THEMIS: variants seen among roughly 807,000 people sequenced by gnomAD.
The protein encoded by THEMIS is thymocyte selection associated, also known as protein THEMIS.
THEMIS carries 37 observed loss-of-function variants against 52.6 expected under a neutral mutation model. The ratio of observed to expected loss-of-function variants is 0.70; its 90% confidence interval spans 0.54 to 0.93. The LOEUF (loss-of-function observed/expected upper bound fraction) is 0.93, where lower values mean the gene tolerates loss of function less well. THEMIS is among the 40% of genes least tolerant of loss of function. The probability of loss-of-function intolerance (pLI) is 0.00; values close to 1 mark genes in which losing one functional copy is unlikely to be tolerated. For synonymous variants in THEMIS, 292 were observed against 272.7 expected, an observed-to-expected ratio of 1.07 and a Z score of -0.70; for missense variants, 808 against 763.1, an observed-to-expected ratio of 1.06 and a Z score of -0.69.
chr6:127,728,191 C>T (rs1028446091), intron 4 of THEMIS, among the ~76,000 whole-genome samples: 2 of 152,142 alleles, frequency 1.3e-5, no homozygotes, highest in Non-Finnish European at 2.9e-5. Flanking sequence ...CATTGTTCGT[C>T]AGAATTTCTC....
chr6:127,854,905 G>T, intron 2 of THEMIS, 125 bp downstream of exon 2: 1 of 767,850 alleles, frequency 1.3e-6, no homozygotes, highest in Non-Finnish European at 1.9e-6. Context: ...TAACAATTCC[G>T]GATTTTCCCC....
At chr6:127,832,631 A>G (rs1778733379) in intron 2 of THEMIS, among the ~76,000 whole-genome samples, 1 of 152,128 alleles carries the variant, frequency 6.6e-6, no homozygotes, top group African/African-American at 2.4e-5. Flanking sequence ...TACTGGGAAA[A>G]ATATGCTTTG....
At chr6:127,811,998 A>G (rs1053501845) in intron 4 of THEMIS, among the ~76,000 whole-genome samples, 1 of 152,192 alleles carries the variant, frequency 6.6e-6, no homozygotes. Context: ...TAAGGCTGCT[A>G]TTATTTCTAA....
intron 4 of THEMIS, among the ~76,000 whole-genome samples, chr6:127,732,328 T>C (rs1400379145): frequency 1.3e-5 from 2 of 152,110 alleles, no homozygotes; most frequent in Admixed American, 1.3e-4. Flanking sequence ...TTCCTCCTAA[T>C]ACCAGAAGTG....
chr6:127,799,571 CTTTCTTTCTTTCTTTT>C (rs1205480448), intron 4 of THEMIS, among the ~76,000 whole-genome samples: 16 of 150,176 alleles, frequency 1.1e-4, no homozygotes, highest in Admixed American at 1.3e-4. Flanking sequence ...TTCTTTCTTT[CTTTCTTTCTTTCTTTT>C]TTTCTTTCTT....
intron 4 of THEMIS, among the ~76,000 whole-genome samples, chr6:127,786,078 G>A (rs1041077867): frequency 1.3e-5 from 2 of 151,908 alleles, no homozygotes; most frequent in South Asian, 4.1e-4. Flanking sequence ...ATAGCTCTAG[G>A]TATTCAATAA....
intron 4 of THEMIS, among the ~76,000 whole-genome samples, chr6:127,746,494 T>C (rs1775393831): frequency 6.6e-6 from 1 of 150,498 alleles, no homozygotes; most frequent in Non-Finnish European, 1.5e-5. Flanking sequence ...TTCAACTGAG[T>C]TAAGATTATT....
Position 127,829,780 on chromosome 6 carries a change from T to A in THEMIS, c.405A>T (p.Gln135His), listed in dbSNP as rs1274480803. 4.3e-6 allele frequency: 7 copies of A among 1,614,026 alleles called. No individual in the cohort carries two copies. Among genetic ancestry groups the A allele is most frequent in the Non-Finnish European group, 5.9e-6 (7 of 1,180,018 alleles). The part of the protein sequence containing the change: ...LENLIIKQGE[Q>H]IMLNSVEEID... ...TCTCTTCAACTGAGTTGAGCATGAT[T>A]TGCTCACCCTGCTTTATGATGAGGT... is the stretch of plus-strand genomic sequence containing the variant. The change falls in exon 3 of 6, where the codon CAA (glutamine) becomes CAT (histidine). Residue 135 changes from glutamine to histidine, a missense_variant. By Grantham distance (24) the Gln-to-His change is conservative (BLOSUM62 0). Coordinates refer to ENST00000368248, the MANE Select transcript of THEMIS (RefSeq NM_001010923.3).
intron 4 of THEMIS, among the ~76,000 whole-genome samples, chr6:127,736,863 A>AAG (rs1321566107): frequency 5.3e-5 from 8 of 151,774 alleles, no homozygotes; most frequent in Admixed American, 2.0e-4. Flanking sequence ...AAAAAAAAAA[A>AAG]AAAAGAAAAA....
intron 4 of THEMIS, among the ~76,000 whole-genome samples, chr6:127,741,119 C>T (rs572201807): frequency 5.3e-5 from 8 of 152,274 alleles, no homozygotes; most frequent in Admixed American, 3.9e-4. Context: ...TCCAACTTTA[C>T]TATTTCTCAG....
At position 127,722,474 on chromosome 6, in the gene THEMIS, TA is replaced by T. The variant is rs1450909082; in HGVS notation, c.1759-2652del. On this transcript the variant is annotated intron_variant, in intron 4 of 5. Coordinates refer to ENST00000368248, the MANE Select transcript of THEMIS (RefSeq NM_001010923.3). ...TCTCTCTCTTCCCTCTCCCCTTTCC[TA>T]TTTCTCAAATTCTTCCACCATGCCT... Among the ~76,000 whole-genome samples, 3 of 152,126 alleles carry T rather than the reference TA, an allele frequency of 2.0e-5. No individual in the cohort carries two copies. In the East Asian group the frequency reaches 5.8e-4, roughly 30 times the overall value.
intron 1 of THEMIS, among the ~76,000 whole-genome samples, chr6:127,896,741 CA>C (rs949497791): frequency 6.6e-6 from 1 of 151,506 alleles, no homozygotes; most frequent in Non-Finnish European, 1.5e-5. Context: ...GGAAGATTTT[CA>C]AAAACTGATG....
chr6:127,915,638 C>T (rs1004206666), intron 1 of THEMIS, among the ~76,000 whole-genome samples: 2 of 150,524 alleles, frequency 1.3e-5, no homozygotes, highest in African/African-American at 4.9e-5. Flanking sequence ...TACACATAAA[C>T]CTTTAATACC....
At chr6:127,763,071 A>G (rs1243980966) in intron 4 of THEMIS, among the ~76,000 whole-genome samples, 1 of 151,980 alleles carries the variant, frequency 6.6e-6, no homozygotes, top group African/African-American at 2.4e-5. Context: ...TCCCTTTGAA[A>G]AATTAATCCC....
At chr6:127,881,379 A>C (rs1290368866) in intron 1 of THEMIS, among the ~76,000 whole-genome samples, 1 of 152,108 alleles carries the variant, frequency 6.6e-6, no homozygotes, top group East Asian at 1.9e-4. Context: ...AATTTTACTT[A>C]ATCTCTTGCT....
In THEMIS at chr6:127,746,711, C is replaced by T. The variant is rs544695342; in HGVS notation, c.1759-26888G>A. Among the ~76,000 whole-genome samples the T allele has an allele frequency of 5.7e-5, 6 of 104,728 alleles. No individual in the cohort carries two copies. In the East Asian group the frequency reaches 1.6e-3, roughly 27 times the overall value. 68.7% of individuals were successfully genotyped at this position (104,728 alleles called of 152,430 possible). A position where few individuals can be genotyped will look rare whatever the true frequency, so the allele number is the denominator to read the frequency against. ...ATATTTTATTTTATATTGTAGAGAT[C>T]TATAATTATATATTATTATATAATT... On this transcript the variant is annotated intron_variant, in intron 4 of 5. Coordinates refer to ENST00000368248, the MANE Select transcript of THEMIS (RefSeq NM_001010923.3).
At chr6:127,860,180 TG>T (rs1025005393) in intron 1 of THEMIS, among the ~76,000 whole-genome samples, 2 of 152,188 alleles carry the variant, frequency 1.3e-5, no homozygotes, top group African/African-American at 4.8e-5. Context: ...CTGCATTTCC[TG>T]TAAGGCAGAG....
chr6:127,717,977 G>A (rs921972535), intron 5 of THEMIS, among the ~76,000 whole-genome samples: 4 of 151,696 alleles, frequency 2.6e-5, no homozygotes, highest in Admixed American at 6.6e-5. Flanking sequence ...CTCAAAGAAG[G>A]CTACTACATA....
chr6:127,765,893 G>C (rs1776181423), intron 4 of THEMIS, among the ~76,000 whole-genome samples: 1 of 152,074 alleles, frequency 6.6e-6, no homozygotes, highest in Non-Finnish European at 1.5e-5. Flanking sequence ...ACATATCATA[G>C]TCAATAATCG....
Sources: gnomAD v4.1 joint callset for allele counts (sites outside exome capture counted in the v4.1 genomes callset) on GRCh38, gnomAD v4.1.1 for gene constraint, MANE v1.5 for transcripts, NCBI Gene and HGNC (gene_info 2026-07-23, HGNC 2026-07-21) for gene names.